The following SFXN5 variants were observed in gnomAD, a reference collection of about 807,000 sequenced individuals.
SFXN5 encodes sideroflexin-5.
Under a neutral mutation model 50.2 loss-of-function variants are expected in SFXN5, and 43 were observed. That is an observed-to-expected ratio of 0.86 (90% CI 0.67 to 1.11). The LOEUF is 1.11. SFXN5 is among the 50% of genes least tolerant of loss of function. SFXN5 has a pLI of 0.00. For missense variants in SFXN5, 463 were observed against 454.1 expected, an observed-to-expected ratio of 1.02 and a Z score of -0.18; for synonymous variants, 203 against 185.8, an observed-to-expected ratio of 1.09 and a Z score of -0.75.
intron 1 of SFXN5, among the ~76,000 whole-genome samples, chr2:73,066,977 C>T (rs1272004312): frequency 1.3e-5 from 2 of 152,118 alleles, no homozygotes; most frequent in African/African-American, 2.4e-5. Flanking sequence ...CCCAGGCGCT[C>T]AAGGCTGCAG....
intron 6 of SFXN5, among the ~76,000 whole-genome samples, chr2:73,005,549 A>C (rs1288408737): frequency 1.3e-5 from 2 of 152,214 alleles, no homozygotes; most frequent in Admixed American, 1.3e-4. Context: ...TCGCCTCAGC[A>C]TGCAGCCTGC....
At chr2:72,979,673 G>T (rs1671059834) in intron 10 of SFXN5, among the ~76,000 whole-genome samples, 1 of 152,084 alleles carries the variant, frequency 6.6e-6, no homozygotes, top group African/African-American at 2.4e-5. Flanking sequence ...AATAGCCATG[G>T]AACAAACTAC....
At position 72,971,738 on chromosome 2, in the gene SFXN5, C is replaced by A. The variant is rs1039696756; in HGVS notation, c.626-53G>T. 7.1e-6 allele frequency: 10 copies of A among 1,412,090 alleles called. No homozygotes were observed. In the African/African-American group the frequency reaches 1.1e-4, roughly 16 times the overall value. The allele number at this position is 1,412,090 out of a possible 1,614,324, so 87.5% of individuals were successfully genotyped here. A position where few individuals can be genotyped will look rare whatever the true frequency, so the allele number is the denominator to read the frequency against. On this transcript the variant is annotated intron_variant, in intron 10 of 13. Transcript: ENST00000272433. The stretch of plus-strand genomic sequence containing the variant: ...GGATGAGGAGGAAGATGGCATTCCA[C>A]CTGGAGGGAGGTCACTACACTCCTT...
Position 72,945,732 on chromosome 2 carries a change from C to G in SFXN5, c.946-633G>C, listed in dbSNP as rs1233132964. Reference sequence around the variant, plus strand: ...GAAGCCCTGCTTCGGAGAACCCCACCATGCACCCCACTCCTACTTGAACCT... The same window carrying G: ...GAAGCCCTGCTTCGGAGAACCCCACGATGCACCCCACTCCTACTTGAACCT... On this transcript the variant is annotated intron_variant, in intron 13 of 13. Transcript: ENST00000272433. This position sits in a 1 kb window ranked among gnomAD's most constrained non-coding sequence, Gnocchi z 5.8. Among the ~76,000 whole-genome samples the G allele has an allele frequency of 6.6e-6, 1 of 152,098 alleles. No individual in the cohort carries two copies. The highest frequency in any genetic ancestry group is 2.4e-5 in the African/African-American group (1 of 41,400).
At chr2:73,023,556 A>G (rs1677177932) in intron 3 of SFXN5, among the ~76,000 whole-genome samples, 1 of 152,236 alleles carries the variant, frequency 6.6e-6, no homozygotes, top group African/African-American at 2.4e-5. Context: ...AAGCAGGTAG[A>G]AACCTCTAAT....
intron 13 of SFXN5, among the ~76,000 whole-genome samples, chr2:72,956,503 T>C (rs1673105035): frequency 6.6e-6 from 1 of 152,114 alleles, no homozygotes; most frequent in Non-Finnish European, 1.5e-5. Context: ...GTGGGCCTCC[T>C]CTTTCTATAG....
intron 6 of SFXN5, among the ~76,000 whole-genome samples, chr2:73,008,203 G>A (rs1324345154): frequency 6.6e-6 from 1 of 152,216 alleles, no homozygotes; most frequent in Non-Finnish European, 1.5e-5. Context: ...CAGAGTCCAA[G>A]TTCTTAATGT....
At chr2:73,047,501 TCCC>T (rs535893183) in intron 2 of SFXN5, among the ~76,000 whole-genome samples, 3 of 150,852 alleles carry the variant, frequency 2.0e-5, no homozygotes, top group African/African-American at 7.3e-5. Context: ...ATTATAATAA[TCCC>T]CCCATGTCAA....
chr2:73,064,121 C>A (rs961361281), intron 1 of SFXN5, among the ~76,000 whole-genome samples: 4 of 152,206 alleles, frequency 2.6e-5, no homozygotes, highest in African/African-American at 9.7e-5. Context: ...ATCTGCAAGC[C>A]CCCCAGGGAA....
intron 11 of SFXN5, among the ~76,000 whole-genome samples, chr2:72,970,099 G>A (rs1337427785): frequency 6.6e-6 from 1 of 152,152 alleles, no homozygotes; most frequent in Non-Finnish European, 1.5e-5. Context: ...GGGTTTCCTT[G>A]CTGTGTGACA....
chr2:73,035,897 T>C (rs1314649244), intron 3 of SFXN5, among the ~76,000 whole-genome samples: 3 of 152,124 alleles, frequency 2.0e-5, no homozygotes, highest in African/African-American at 7.2e-5. Context: ...AAACAAACAA[T>C]CAATACATTT....
intron 13 of SFXN5, among the ~76,000 whole-genome samples, chr2:72,955,050 C>G (rs945048788): frequency 6.6e-6 from 1 of 152,204 alleles, no homozygotes; most frequent in Non-Finnish European, 1.5e-5. Context: ...CTTGGGGCCA[C>G]GGGACAGCCC....
chr2:72,947,185 G>A lies in SFXN5; in HGVS notation c.946-2086C>T, dbSNP rs558582897. ...TCACAAGCTCCCTGAGGCAGCGGACGTGCGGATCTGTCTCGCCCCTGTGTC... is the reference window on the plus strand; with the variant it reads ...TCACAAGCTCCCTGAGGCAGCGGACATGCGGATCTGTCTCGCCCCTGTGTC... On this transcript the variant is annotated intron_variant, in intron 13 of 13. Coordinates refer to ENST00000272433, the MANE Select transcript of SFXN5 (RefSeq NM_144579.3). Among the ~76,000 whole-genome samples, 5 of 152,336 alleles carry A rather than the reference G, an allele frequency of 3.3e-5. No homozygotes were observed. In the Middle Eastern group the frequency reaches 0.01, roughly 311 times the overall value.
chr2:73,051,599 C>G (rs556720103), intron 2 of SFXN5, among the ~76,000 whole-genome samples: 2 of 152,336 alleles, frequency 1.3e-5, no homozygotes, highest in East Asian at 3.9e-4. Context: ...TACCCTTTAC[C>G]AAGCTCCAGA....
intron 12 of SFXN5, among the ~76,000 whole-genome samples, chr2:72,964,366 A>C (rs1674125890): frequency 6.6e-6 from 1 of 152,250 alleles, no homozygotes; most frequent in Admixed American, 6.5e-5. Flanking sequence ...CTGCACCCAA[A>C]GGCTATAGGG....
At chr2:72,964,955 G>A (rs114324456) in intron 12 of SFXN5, among the ~76,000 whole-genome samples, 1 of 152,310 alleles carries the variant, frequency 6.6e-6, no homozygotes, top group Non-Finnish European at 1.5e-5. Flanking sequence ...ACGGTCTCTG[G>A]CTAGGGCTCC....
intron 2 of SFXN5, among the ~76,000 whole-genome samples, chr2:73,046,643 A>G (rs947970091): frequency 6.6e-6 from 1 of 152,120 alleles, no homozygotes; most frequent in African/African-American, 2.4e-5. Context: ...CTGCCACTGC[A>G]CCCCAAAAAC....
At chr2:73,046,994 AG>A in intron 2 of SFXN5, among the ~76,000 whole-genome samples, 1 of 150,914 alleles carries the variant, frequency 6.6e-6, no homozygotes, top group African/African-American at 2.4e-5. Flanking sequence ...TGGGAGGCCA[AG>A]GCAGGTGGAT....
At chr2:72,963,681 G>C (rs1424757582) in intron 12 of SFXN5, among the ~76,000 whole-genome samples, 1 of 152,178 alleles carries the variant, frequency 6.6e-6, no homozygotes, top group African/African-American at 2.4e-5. Flanking sequence ...AGCGGACTCA[G>C]GGCTGTGGCC....
Sources: gnomAD v4.1 joint callset for allele counts (sites outside exome capture counted in the v4.1 genomes callset) on GRCh38, gnomAD v4.1.1 for gene constraint, Gnocchi (gnomAD v3.1) non-coding constraint, MANE v1.5 for transcripts, NCBI Gene and HGNC (gene_info 2026-07-23, HGNC 2026-07-21) for gene names.